ZNF680: variants seen among roughly 807,000 people sequenced by gnomAD.
ZNF680 encodes the protein zinc finger protein 680.
A neutral mutation model predicts 12.1 loss-of-function variants in ZNF680; 6 were observed. The observed-to-expected ratio is 0.49, with a 90% CI of 0.27 to 0.98. ZNF680 has a LOEUF of 0.98. Ranked by LOEUF, ZNF680 falls within the 50% of genes least tolerant of loss-of-function variation. The pLI, the probability that ZNF680 is intolerant of heterozygous loss-of-function variation, is 0.12. For synonymous variants in ZNF680, 170 were observed against 199.3 expected, an observed-to-expected ratio of 0.85 and a Z score of 1.24; for missense variants, 561 against 616.3, an observed-to-expected ratio of 0.91 and a Z score of 0.95.
In ZNF680 at chr7:64,544,336, A is replaced by G. The variant is rs374736826; in HGVS notation, c.127T>C (p.Phe43Leu). Reference protein sequence around the residue: ...AQRNLYRKVMFENYRNLVFLG... With the variant: ...AQRNLYRKVMLENYRNLVFLG... ...AAGACCAGGTTTCTGTAGTTCTCAA[A>G]CATCACTTTCCTATATAAATTCCGT... is the stretch of plus-strand genomic sequence containing the variant. Residue 43 changes from phenylalanine to leucine, a missense_variant, in exon 2 of 4, where the codon TTT (phenylalanine) becomes CTT (leucine). Coordinates refer to ENST00000309683, the MANE Select transcript of ZNF680 (RefSeq NM_178558.5). 1.2e-6 allele frequency: 2 copies of G among 1,604,340 alleles called. No homozygotes were observed. The highest frequency in any genetic ancestry group is 2.7e-5 in the African/African-American group (2 of 74,680).
intron 1 of ZNF680, among the ~76,000 whole-genome samples, chr7:64,557,346 G>A (rs1474258098): frequency 6.7e-6 from 1 of 150,290 alleles, no homozygotes; most frequent in Admixed American, 6.6e-5. Flanking sequence ...CACAAGGTCA[G>A]GAATTCGAGA....
chr7:64,558,612 G>T (rs961783553), intron 1 of ZNF680, among the ~76,000 whole-genome samples: 56 of 152,176 alleles, frequency 3.7e-4, no homozygotes, highest in African/African-American at 1.0e-3. Context: ...GGTTAAGACG[G>T]AAGGGGATTG....
chr7:64,548,485 A>G (rs1305472232), intron 1 of ZNF680, among the ~76,000 whole-genome samples: 4 of 152,152 alleles, frequency 2.6e-5, no homozygotes, highest in Admixed American at 2.6e-4. Flanking sequence ...TGCTTCAACT[A>G]TTTTCTAATG....
chr7:64,553,050 T>C (rs1249130772), intron 1 of ZNF680, among the ~76,000 whole-genome samples: 1 of 149,562 alleles, frequency 6.7e-6, no homozygotes, highest in Admixed American at 6.7e-5. Flanking sequence ...TGCTTGAACC[T>C]GGGAAATGGA....
chr7:64,518,346 TA>T (rs1484319532), downstream of ZNF680, among the ~76,000 whole-genome samples: 2 of 151,720 alleles, frequency 1.3e-5, no homozygotes, highest in Admixed American at 6.6e-5. Context: ...AAAAAATACT[TA>T]AAAATATACC....
At chr7:64,506,703 G>A in the ZNF680 span, among the ~76,000 whole-genome samples, 1 of 151,922 alleles carries the variant, frequency 6.6e-6, no homozygotes, top group Admixed American at 6.6e-5. Context: ...TATTTAAAAT[G>A]AGTTTAAAAT....
At chr7:64,535,352 G>A (rs1032531486) in intron 3 of ZNF680, among the ~76,000 whole-genome samples, 2 of 147,470 alleles carry the variant, frequency 1.4e-5, no homozygotes, top group Non-Finnish European at 3.0e-5. Flanking sequence ...CTGGCTGACA[G>A]AGCGAGGCCA....
chr7:64,530,704 C>A (rs1309248058), intron 3 of ZNF680, among the ~76,000 whole-genome samples: 22 of 151,508 alleles, frequency 1.5e-4, no homozygotes, highest in Non-Finnish European at 7.4e-5. Context: ...ACTAAAAATA[C>A]AAAAATTAGC....
chr7:64,554,006 C>A (rs1012053399), intron 1 of ZNF680, among the ~76,000 whole-genome samples: 3 of 152,050 alleles, frequency 2.0e-5, no homozygotes, highest in African/African-American at 7.2e-5. Flanking sequence ...CCGGCCGCCA[C>A]CCCGTCTAGG....
intron 3 of ZNF680, chr7:64,524,623 T>A: frequency 6.6e-6 from 1 of 152,098 alleles, no homozygotes; most frequent in East Asian, 1.9e-4. Context: ...AATAAAGATT[T>A]TAAAAAGACA....
At chr7:64,501,403 G>T in the ZNF680 span, 7 of 1,144,554 alleles carry the variant, frequency 6.1e-6, no homozygotes, top group Non-Finnish European at 7.9e-6. Flanking sequence ...TGACCTTTAG[G>T]CCATTAAGAA....
chr7:64,545,230 T>A (rs896380542), intron 1 of ZNF680, among the ~76,000 whole-genome samples: 2 of 137,240 alleles, frequency 1.5e-5, no homozygotes, highest in Non-Finnish European at 3.0e-5. Context: ...CGCCAGTGCA[T>A]TCTAGCCTGG....
intron 1 of ZNF680, among the ~76,000 whole-genome samples, chr7:64,556,981 T>A (rs985567759): frequency 6.6e-6 from 1 of 152,260 alleles, no homozygotes; most frequent in South Asian, 2.1e-4. Context: ...ACGGGTACAG[T>A]GGCTCACGCC....
rs766518118 is a variant in ZNF680, at chr7:64,521,412, T to C, written c.1342A>G (p.Thr448Ala). The change falls in exon 4 of 4, where the codon ACC becomes GCC. Residue 448 changes from threonine to alanine, a missense_variant. Transcript: ENST00000309683. ...ECGKGFTLFSTLTNHKVIHTG... is the reference protein window; with the variant it reads ...ECGKGFTLFSALTNHKVIHTG... The stretch of plus-strand genomic sequence containing the variant: ...TGAATTACTTTATGGTTAGTAAGGG[T>C]TGAAAATAAAGTAAAGCCTTTGCCA... The C allele has an allele frequency of 1.4e-5, 23 of 1,613,478 alleles. No individual in the cohort carries two copies. The highest frequency in any genetic ancestry group is 8.8e-5 in the South Asian group (8 of 91,064).
chr7:64,507,116 G>A, the ZNF680 span, among the ~76,000 whole-genome samples: 1 of 152,094 alleles, frequency 6.6e-6, no homozygotes, highest in African/African-American at 2.4e-5. Flanking sequence ...TCAGCGTCAA[G>A]AAAGGGTAAA....
intron 3 of ZNF680, among the ~76,000 whole-genome samples, chr7:64,531,771 C>A (rs1171666741): frequency 1.3e-5 from 2 of 151,836 alleles, no homozygotes; most frequent in African/African-American, 4.8e-5. Context: ...CCTATGAAAA[C>A]CTCTGGGATA....
intron 1 of ZNF680, among the ~76,000 whole-genome samples, chr7:64,560,036 CTAA>C (rs572664393): frequency 5.8e-4 from 88 of 151,620 alleles, no homozygotes; most frequent in African/African-American, 2.0e-3. Flanking sequence ...AAAAGAGGTA[CTAA>C]TGTTTTCAAG....
intron 1 of ZNF680, among the ~76,000 whole-genome samples, chr7:64,550,032 G>C (rs150752202): frequency 6.6e-6 from 1 of 152,234 alleles, no homozygotes; most frequent in East Asian, 1.9e-4. Context: ...TAAGTAGACA[G>C]TTTATTTGGG....
At chr7:64,525,822 G>A in intron 3 of ZNF680, 2 of 984,202 alleles carry the variant, frequency 2.0e-6, no homozygotes, top group Non-Finnish European at 2.4e-6. Flanking sequence ...GAATTTCTAT[G>A]ACTTCTCACC....
Sources: allele counts gnomAD v4.1 joint callset (sites outside exome capture counted in the v4.1 genomes callset), GRCh38; gene constraint gnomAD v4.1.1; transcripts MANE v1.5; gene names NCBI Gene and HGNC (gene_info 2026-07-23, HGNC 2026-07-21).